Variants in CSMD1 observed in about 807,000 individuals in gnomAD.
CSMD1 encodes the protein CUB and sushi domain-containing protein 1.
Under a neutral mutation model 417.5 loss-of-function variants are expected in CSMD1, and 213 were observed. The ratio of observed to expected loss-of-function variants is 0.51; its 90% confidence interval spans 0.46 to 0.57. The LOEUF is 0.57. Ranked by LOEUF, CSMD1 falls within the 20% of genes least tolerant of loss-of-function variation. The pLI, the probability that CSMD1 is intolerant of heterozygous loss-of-function variation, is 0.00. For synonymous variants in CSMD1, 2,862 were observed against 1,736.8 expected (o/e 1.65, Z -16.11); for missense variants, 6,923 against 4,529.7 (o/e 1.53, Z -15.17).
intron 7 of CSMD1, among the ~76,000 whole-genome samples, chr8:3,662,016 G>A (rs895733828): frequency 8.5e-5 from 13 of 152,132 alleles, no homozygotes; most frequent in African/African-American, 3.1e-4. Context: ...TGGAAGAAGC[G>A]GGGGATTTTT....
intron 5 of CSMD1, among the ~76,000 whole-genome samples, chr8:3,934,412 A>C (rs969469247): frequency 6.6e-6 from 1 of 152,208 alleles, no homozygotes; most frequent in Non-Finnish European, 1.5e-5. Context: ...ATCAGTAATG[A>C]ACACCGGTAG....
chr8:2,993,212 T>G (rs1050658701), intron 54 of CSMD1, among the ~76,000 whole-genome samples: 4 of 152,222 alleles, frequency 2.6e-5, no homozygotes, highest in Non-Finnish European at 5.9e-5. Context: ...GAACAATGTA[T>G]AAAGGCCACT....
intron 7 of CSMD1, among the ~76,000 whole-genome samples, chr8:3,641,756 C>T (rs558394366): frequency 1.3e-5 from 2 of 152,316 alleles, no homozygotes; most frequent in South Asian, 4.1e-4. Context: ...CCTGCTACCA[C>T]TCGGTACCCA....
chr8:3,706,061 C>T (rs80081705), intron 7 of CSMD1, among the ~76,000 whole-genome samples: 17 of 152,202 alleles, frequency 1.1e-4, no homozygotes, highest in African/African-American at 3.4e-4. Context: ...GCCTAAGGCA[C>T]GCATGACGCG....
At chr8:4,293,799 A>G (rs1251679058) in intron 3 of CSMD1, among the ~76,000 whole-genome samples, 5 of 152,240 alleles carry the variant, frequency 3.3e-5, no homozygotes, top group African/African-American at 1.2e-4. Flanking sequence ...CATTGAAGCA[A>G]AATGAACATG....
At chr8:3,241,209 G>A (rs904077568) in intron 26 of CSMD1, among the ~76,000 whole-genome samples, 2 of 151,368 alleles carry the variant, frequency 1.3e-5, no homozygotes, top group South Asian at 2.1e-4. Flanking sequence ...CTGGGCAGGT[G>A]GGGATAACTA....
At chr8:3,639,616 G>C (rs938572882) in intron 7 of CSMD1, among the ~76,000 whole-genome samples, 2 of 152,158 alleles carry the variant, frequency 1.3e-5, no homozygotes, top group Admixed American at 6.5e-5. Flanking sequence ...ATCAATTAAT[G>C]ATTCTAAATC....
chr8:3,497,570 A>C (rs1796419245), intron 10 of CSMD1, among the ~76,000 whole-genome samples: 1 of 151,996 alleles, frequency 6.6e-6, no homozygotes, highest in Non-Finnish European at 1.5e-5. Flanking sequence ...CAGCCATTTC[A>C]CATTTTTTCA....
At chr8:4,824,806 G>T (rs1469472117) in intron 1 of CSMD1, among the ~76,000 whole-genome samples, 1 of 152,128 alleles carries the variant, frequency 6.6e-6, no homozygotes, top group Non-Finnish European at 1.5e-5. Flanking sequence ...GTACTCGGAG[G>T]AAATGACCAG....
intron 15 of CSMD1, among the ~76,000 whole-genome samples, chr8:3,402,146 G>C (rs1045778883): frequency 2.0e-5 from 3 of 152,218 alleles, no homozygotes; most frequent in African/African-American, 4.8e-5. Flanking sequence ...GATGCAGCCT[G>C]TCTTCTCCAT....
chr8:3,394,002 A>AT (rs58338365), intron 17 of CSMD1, among the ~76,000 whole-genome samples: 79,001 of 94,020 alleles, frequency 0.84, 32,833 homozygotes, highest in South Asian at 0.92. Flanking sequence ...AATAATAATA[A>AT]AAAAATAAAT....
At chr8:3,757,290 C>T (rs892974961) in intron 5 of CSMD1, among the ~76,000 whole-genome samples, 1 of 152,188 alleles carries the variant, frequency 6.6e-6, no homozygotes, top group Non-Finnish European at 1.5e-5. Flanking sequence ...GTACGTATTT[C>T]AGGCTTTATG....
At chr8:3,652,907 A>T (rs1585022504) in intron 7 of CSMD1, among the ~76,000 whole-genome samples, 2 of 152,212 alleles carry the variant, frequency 1.3e-5, no homozygotes, top group East Asian at 3.8e-4. Flanking sequence ...TGAATGAATA[A>T]ACGAATGAAT....
chr8:3,947,483 AT>A (rs1232108007), intron 5 of CSMD1, among the ~76,000 whole-genome samples: 1 of 152,104 alleles, frequency 6.6e-6, no homozygotes, highest in Non-Finnish European at 1.5e-5. Context: ...TAATTTTTTA[AT>A]TTTTAGGTAA....
At chr8:4,341,727 A>T (rs563213811) in intron 3 of CSMD1, among the ~76,000 whole-genome samples, 52 of 152,258 alleles carry the variant, frequency 3.4e-4, no homozygotes, top group African/African-American at 1.2e-3. Flanking sequence ...TTTTTTCAAC[A>T]AATTAGAATT....
At chr8:3,267,701 G>A (rs759542555) in intron 26 of CSMD1, among the ~76,000 whole-genome samples, 3 of 152,170 alleles carry the variant, frequency 2.0e-5, no homozygotes, top group African/African-American at 7.2e-5. Context: ...ATAGAGTAAC[G>A]GGCTGACATC....
intron 3 of CSMD1, among the ~76,000 whole-genome samples, chr8:4,094,576 A>C (rs1800900293): frequency 6.6e-6 from 1 of 152,104 alleles, no homozygotes; most frequent in Admixed American, 6.5e-5. Flanking sequence ...TGAAAATAGT[A>C]ATGGAGCACC....
intron 6 of CSMD1, among the ~76,000 whole-genome samples, chr8:3,721,685 T>G (rs1802183654): frequency 1.3e-5 from 2 of 152,228 alleles, no homozygotes; most frequent in African/African-American, 4.8e-5. Flanking sequence ...AGAGCTTCTT[T>G]AATTTCATTA....
chr8:4,465,053 C>T (rs569487768), intron 2 of CSMD1, among the ~76,000 whole-genome samples: 27 of 151,990 alleles, frequency 1.8e-4, no homozygotes, highest in Non-Finnish European at 3.4e-4. Flanking sequence ...ACAACAAGGC[C>T]GAGCATTTCA....
Sources: gnomAD v4.1 joint callset for allele counts (sites outside exome capture counted in the v4.1 genomes callset) on GRCh38, gnomAD v4.1.1 for gene constraint, MANE v1.5 for transcripts, NCBI Gene and HGNC (gene_info 2026-07-23, HGNC 2026-07-21) for gene names.